The following EZR variants were observed in gnomAD, a reference collection of about 807,000 sequenced individuals.
The protein encoded by EZR is cytovillin 2.
A neutral mutation model predicts 74.8 loss-of-function variants in EZR; 40 were observed. The ratio of observed to expected loss-of-function variants is 0.53; its 90% CI spans 0.42 to 0.70. The LOEUF (loss-of-function observed/expected upper bound fraction) is 0.70. EZR is among the 30% of genes least tolerant of loss of function. The probability of loss-of-function intolerance (pLI) is 0.00; values close to 1 mark genes in which losing one functional copy is unlikely to be tolerated. For missense variants in EZR, 678 were observed against 755.8 expected, an observed-to-expected ratio of 0.90 and a Z score of 1.21; for synonymous variants, 341 against 283.3, an observed-to-expected ratio of 1.20 and a Z score of -2.05.
chr6:158,787,976 G>A (rs1182164880), intron 3 of EZR, among the ~76,000 whole-genome samples: 2 of 152,210 alleles, frequency 1.3e-5, no homozygotes, highest in Non-Finnish European at 2.9e-5. Context: ...AGTCGAACTT[G>A]CTGTGGACAT....
chr6:158,816,115 T>C (rs1300185915), intron 2 of EZR, among the ~76,000 whole-genome samples: 2 of 152,206 alleles, frequency 1.3e-5, no homozygotes, highest in Non-Finnish European at 2.9e-5. Flanking sequence ...ATGAGGTATC[T>C]AAAGTTGTCG....
At chr6:158,812,294 C>G (rs1157730027) in intron 2 of EZR, among the ~76,000 whole-genome samples, 1 of 152,146 alleles carries the variant, frequency 6.6e-6, no homozygotes, top group Admixed American at 6.5e-5. Context: ...AATGGGTGCT[C>G]TGAAATCACA....
chr6:158,792,238 G>A (rs1369118094), intron 2 of EZR, among the ~76,000 whole-genome samples: 1 of 151,342 alleles, frequency 6.6e-6, no homozygotes, highest in Non-Finnish European at 1.5e-5. Context: ...TTTTTGAGAT[G>A]GAGTCTCCTC....
Position 158,769,395 on chromosome 6 carries a change from A to C in EZR, c.1275T>G (p.Thr425=). 1 of 1,608,020 alleles carries C rather than the reference A, an allele frequency of 6.2e-7. No homozygotes were observed. The highest frequency in any genetic ancestry group is 2.2e-5 in the East Asian group (1 of 44,882). Reference sequence around the variant, plus strand: ...CCTCTTCCAGGAGGGCAATCTTGGCAGTGTATTCTGCAAGCTCCGCAGCCT... The same window carrying C: ...CCTCTTCCAGGAGGGCAATCTTGGCCGTGTATTCTGCAAGCTCCGCAGCCT... ...EQLAAELAEY[T]AKIALLEEAR... Residue 425 remains threonine (T), a synonymous_variant, in exon 12 of 14, where the codon ACT becomes ACG. Transcript: ENST00000367075.
At chr6:158,803,568 T>TACACACAC (rs1562504428) in intron 2 of EZR, among the ~76,000 whole-genome samples, 2 of 7,644 alleles carry the variant, frequency 2.6e-4, no homozygotes, top group African/African-American at 9.8e-4. Flanking sequence ...TATATATATA[T>TACACACAC]ATATATATAT....
chr6:158,805,659 C>G (rs1027124585), intron 2 of EZR, among the ~76,000 whole-genome samples: 1 of 152,004 alleles, frequency 6.6e-6, no homozygotes, highest in African/African-American at 2.4e-5. Flanking sequence ...CAAACCCTGC[C>G]AAAACTTTTA....
intron 2 of EZR, among the ~76,000 whole-genome samples, chr6:158,799,621 ATAGCAC>A (rs1311687408): frequency 6.6e-6 from 1 of 152,258 alleles, no homozygotes; most frequent in Non-Finnish European, 1.5e-5. Context: ...TGAATAAATT[ATAGCAC>A]TAGCTATGAC....
chr6:158,792,256 C>T (rs1464495193), intron 2 of EZR, among the ~76,000 whole-genome samples: 1 of 145,280 alleles, frequency 6.9e-6, no homozygotes, highest in African/African-American at 2.5e-5. Flanking sequence ...CTCTGTCGCC[C>T]AGGTTGGAGT....
At chr6:158,792,610 G>C (rs543397843) in intron 2 of EZR, among the ~76,000 whole-genome samples, 2 of 151,990 alleles carry the variant, frequency 1.3e-5, no homozygotes, top group East Asian at 1.9e-4. Context: ...ACGAGGTCAG[G>C]AGATGGAGAT....
intron 2 of EZR, among the ~76,000 whole-genome samples, chr6:158,789,926 GTTTT>G (rs992804888): frequency 6.6e-6 from 1 of 152,146 alleles, no homozygotes; most frequent in Admixed American, 6.5e-5. Context: ...AACCTAAGCA[GTTTT>G]TTTCTTTTTT....
rs55934906 is a variant in EZR at position 158,767,222 on chromosome 6, G to A, written c.1596+39C>T. 5.6e-3 allele frequency: 8,954 copies of A among 1,592,158 alleles called. 30 individuals carry two copies. Among genetic ancestry groups the A allele is most frequent in the Middle Eastern group, 7.0e-3 (42 of 5,980 alleles). On this transcript the variant is annotated intron_variant, in intron 13 of 13. Coordinates refer to ENST00000367075, the MANE Select transcript of EZR (RefSeq NM_001111077.2). ...CCCCAAGCCTGTCTGCTCCAAAAGC[G>A]AGGCAGGCTCCCTGGAGACAGAGCC...
intron 2 of EZR, among the ~76,000 whole-genome samples, chr6:158,804,833 T>C (rs931148938): frequency 6.6e-6 from 1 of 151,464 alleles, no homozygotes; most frequent in South Asian, 2.1e-4. Flanking sequence ...TACATATGTA[T>C]ACATGTGCCA....
chr6:158,811,728 T>C (rs985459135), intron 2 of EZR, among the ~76,000 whole-genome samples: 1 of 151,852 alleles, frequency 6.6e-6, no homozygotes, highest in African/African-American at 2.4e-5. Context: ...CTGGGTGTGG[T>C]AGTGTGTGCC....
At chr6:158,778,254 C>G (rs3123107) in intron 7 of EZR, among the ~76,000 whole-genome samples, 79,193 of 152,066 alleles carry the variant, frequency 0.52, 21,595 homozygotes, top group Non-Finnish European at 0.61. Flanking sequence ...CTGGGATCCC[C>G]TCTCCGGCTC....
rs917239034 is a variant in EZR, at chr6:158,766,233, T to TATAA, written c.*677_*680dup. On this transcript the variant is annotated 3_prime_UTR_variant, in exon 14 of 14. Transcript: ENST00000367075. ...TTACAAATCTGTATTATCACTTGTA[T>TATAA]ATAAATAGTATATAGCTGATCATTA... The TATAA allele has an allele frequency of 5.3e-5, 8 of 151,576 alleles. No homozygotes were observed. Among genetic ancestry groups the TATAA allele is most frequent in the African/African-American group, 1.5e-4 (6 of 41,026 alleles). 9.4% of individuals were successfully genotyped at this position (151,576 alleles called of 1,614,324 possible).
intron 10 of EZR, 66 bp downstream of exon 10, chr6:158,770,696 GGT>G (rs1791076529): frequency 6.3e-7 from 1 of 1,585,376 alleles, no homozygotes; most frequent in African/African-American, 1.3e-5. Flanking sequence ...TGGGTGGGTG[GGT>G]GTGGCCCCTG....
intron 2 of EZR, among the ~76,000 whole-genome samples, chr6:158,811,735 T>C (rs911177268): frequency 6.6e-6 from 1 of 152,066 alleles, no homozygotes; most frequent in African/African-American, 2.4e-5. Context: ...TGGTAGTGTG[T>C]GCCTGTGGTC....
chr6:158,803,525 C>A (rs1777234285), intron 2 of EZR, among the ~76,000 whole-genome samples: 1 of 101,692 alleles, frequency 9.8e-6, no homozygotes, highest in Non-Finnish European at 1.9e-5. Flanking sequence ...TATTATGTAA[C>A]ATTATATATA....
intron 2 of EZR, among the ~76,000 whole-genome samples, chr6:158,790,235 T>C (rs183191082): frequency 6.6e-6 from 1 of 152,272 alleles, no homozygotes; most frequent in Non-Finnish European, 1.5e-5. Flanking sequence ...CAACACTCAA[T>C]GCAAATGTGA....
Sources: allele counts gnomAD v4.1 joint callset (sites outside exome capture counted in the v4.1 genomes callset), GRCh38; gene constraint gnomAD v4.1.1; transcripts MANE v1.5; gene names NCBI Gene and HGNC (gene_info 2026-07-23, HGNC 2026-07-21).